STK32C: variants seen among roughly 807,000 people sequenced by gnomAD.
The protein encoded by STK32C is serine/threonine-protein kinase 32C.
A neutral mutation model predicts 56.5 loss-of-function variants in STK32C; 31 were observed. The observed-to-expected ratio is 0.55, with a 90% CI of 0.41 to 0.74. The LOEUF (loss-of-function observed/expected upper bound fraction) is 0.74, where lower values mean the gene tolerates loss of function less well. Ranked by LOEUF, STK32C falls within the 30% of genes least tolerant of loss-of-function variation. The probability of loss-of-function intolerance (pLI) is 0.00; values close to 1 mark genes in which losing one functional copy is unlikely to be tolerated. For synonymous variants in STK32C, 309 were observed against 289.4 expected, an observed-to-expected ratio of 1.07 and a Z score of -0.69; for missense variants, 544 against 676.9, an observed-to-expected ratio of 0.80 and a Z score of 2.18.
chr10:132,214,984 C>G (rs926777514), intron 10 of STK32C, among the ~76,000 whole-genome samples: 1 of 152,190 alleles, frequency 6.6e-6, no homozygotes, highest in African/African-American at 2.4e-5. Context: ...ACTACAGTTA[C>G]AAATAAGGTA....
At chr10:132,266,112 T>C (rs967658325) in intron 1 of STK32C, among the ~76,000 whole-genome samples, 4 of 152,356 alleles carry the variant, frequency 2.6e-5, no homozygotes, top group East Asian at 1.9e-4. Flanking sequence ...AAAGAAATTA[T>C]GTTATATCCA....
chr10:132,282,289 G>A (rs960337240), intron 1 of STK32C, among the ~76,000 whole-genome samples: 9 of 152,232 alleles, frequency 5.9e-5, no homozygotes, highest in South Asian at 2.1e-4. Flanking sequence ...TGCCAGCTGC[G>A]CCAGCTTCCC....
intron 10 of STK32C, among the ~76,000 whole-genome samples, chr10:132,222,364 C>A (rs1286612442): frequency 6.6e-6 from 1 of 152,030 alleles, no homozygotes; most frequent in Non-Finnish European, 1.5e-5. Flanking sequence ...ACAACCAACA[C>A]CAGCACACCT....
intron 1 of STK32C, among the ~76,000 whole-genome samples, chr10:132,330,701 G>C (rs1358045968): frequency 9.3e-6 from 1 of 107,420 alleles, no homozygotes; most frequent in Admixed American, 9.8e-5. Context: ...TTTAATTTTT[G>C]TAGAGACTGG....
intron 1 of STK32C, among the ~76,000 whole-genome samples, chr10:132,278,575 C>T (rs1156710203): frequency 6.6e-6 from 1 of 151,756 alleles, no homozygotes; most frequent in Non-Finnish European, 1.5e-5. Context: ...TCCTGGCTAA[C>T]ACGGTGAAAC....
chr10:132,215,568 G>T (rs1027080987), intron 10 of STK32C, among the ~76,000 whole-genome samples: 2 of 151,914 alleles, frequency 1.3e-5, no homozygotes, highest in Admixed American at 1.3e-4. Context: ...CTTGCCTTCC[G>T]CCATGATTGT....
rs560582965 is a variant in STK32C, at chr10:132,224,615, C to T, written c.877-92G>A. The stretch of plus-strand genomic sequence containing the variant: ...CACAGGTGCCATCGCCCTGAGAGGA[C>T]CCCCTCCCCCCACCCCAAGTGCAGG... On this transcript the variant is annotated intron_variant, in intron 7 of 11. Coordinates refer to ENST00000298630, the MANE Select transcript of STK32C (RefSeq NM_173575.4). 5 of 885,086 alleles carry T rather than the reference C, an allele frequency of 5.6e-6. No individual in the cohort carries two copies. In the South Asian group the frequency reaches 5.8e-5, roughly 10 times the overall value. 54.8% of individuals were successfully genotyped at this position (885,086 alleles called of 1,614,324 possible). A position where few individuals can be genotyped will look rare whatever the true frequency, so the allele number is the denominator to read the frequency against.
chr10:132,290,028 C>T (rs966140468), intron 1 of STK32C, among the ~76,000 whole-genome samples: 6 of 152,192 alleles, frequency 3.9e-5, no homozygotes, highest in Non-Finnish European at 5.9e-5. Flanking sequence ...TCTTGAAAAC[C>T]GTATGGTCAT....
intron 1 of STK32C, among the ~76,000 whole-genome samples, chr10:132,263,915 C>T (rs1002752008): frequency 6.6e-5 from 10 of 150,810 alleles, no homozygotes; most frequent in East Asian, 1.9e-4. Context: ...AAAAGCATGG[C>T]GCAGTGACAC....
At chr10:132,295,894 G>A (rs1454569891) in intron 1 of STK32C, among the ~76,000 whole-genome samples, 1 of 151,226 alleles carries the variant, frequency 6.6e-6, no homozygotes, top group African/African-American at 2.4e-5. Context: ...AAAAAAAAAA[G>A]AATTCTGAAT....
rs534252215 is a variant in STK32C at position 132,223,471 on chromosome 10, C to T, written c.994-485G>A. 2.2e-3 allele frequency among the ~76,000 whole-genome samples: 329 copies of T among 152,358 alleles called. 2 individuals are homozygous for T. The highest frequency in any genetic ancestry group is 4.2e-3 in the Non-Finnish European group (283 of 68,032). ...CCTCCCGCCTTTCCAGGGAAAATGC[C>T]GCAGACCCAGACCCCGTGCGAGGTT... is the stretch of plus-strand genomic sequence containing the variant. On this transcript the variant is annotated intron_variant, in intron 8 of 11. Coordinates refer to ENST00000298630, the MANE Select transcript of STK32C (RefSeq NM_173575.4).
intron 2 of STK32C, among the ~76,000 whole-genome samples, chr10:132,243,931 C>CCCA (rs1191864271): frequency 7.2e-5 from 11 of 152,200 alleles, no homozygotes; most frequent in Non-Finnish European, 1.5e-4. Flanking sequence ...TGAGCCTGGG[C>CCCA]CCACCACCAC....
chr10:132,222,590 G>A (rs777403942), intron 10 of STK32C, 51 bp downstream of exon 10: 17 of 1,596,452 alleles, frequency 1.1e-5, no homozygotes, highest in Non-Finnish European at 1.4e-5. Flanking sequence ...TGGTAGAGAG[G>A]AGCCCCAAGC....
intron 2 of STK32C, among the ~76,000 whole-genome samples, chr10:132,244,766 CGCTGTGGGCCT>C (rs1164572893): frequency 6.6e-6 from 1 of 152,214 alleles, no homozygotes; most frequent in Non-Finnish European, 1.5e-5. Flanking sequence ...CTCGTGCACC[CGCTGTGGGCCT>C]GGGAAACAGA....
At chr10:132,302,288 G>T (rs750727497) in intron 1 of STK32C, among the ~76,000 whole-genome samples, 1 of 152,212 alleles carries the variant, frequency 6.6e-6, no homozygotes, top group Non-Finnish European at 1.5e-5. Context: ...AGAAAAGCCG[G>T]CTTATTTTTA....
chr10:132,226,442 C>T (rs977500500), intron 4 of STK32C, among the ~76,000 whole-genome samples: 3 of 152,298 alleles, frequency 2.0e-5, no homozygotes, highest in East Asian at 3.9e-4. Flanking sequence ...AGTTTGGATT[C>T]CCTGGGATGT....
chr10:132,278,259 C>T (rs1360869102), intron 1 of STK32C, among the ~76,000 whole-genome samples: 1 of 152,100 alleles, frequency 6.6e-6, no homozygotes, highest in Admixed American at 6.5e-5. Context: ...CCCACACATG[C>T]CATGCCCCGC....
chr10:132,252,186 C>T (rs559000467), intron 1 of STK32C, among the ~76,000 whole-genome samples: 7 of 152,362 alleles, frequency 4.6e-5, no homozygotes, highest in East Asian at 1.9e-4. Context: ...CCACATGAAC[C>T]GCTGGCCAGG....
intron 1 of STK32C, among the ~76,000 whole-genome samples, chr10:132,261,264 T>A (rs2064298076): frequency 6.6e-6 from 1 of 152,192 alleles, no homozygotes; most frequent in African/African-American, 2.4e-5. Context: ...CGCCTGGAAC[T>A]GACAAACGAC....
Sources: allele counts gnomAD v4.1 joint callset (sites outside exome capture counted in the v4.1 genomes callset), GRCh38; gene constraint gnomAD v4.1.1; transcripts MANE v1.5; gene names NCBI Gene and HGNC (gene_info 2026-07-23, HGNC 2026-07-21).